Variants in LRRTM4 observed in about 807,000 individuals in gnomAD.
LRRTM4 encodes the protein leucine rich repeat transmembrane neuronal 4, also known as leucine-rich repeat transmembrane neuronal protein 4.
Under a neutral mutation model 47.6 loss-of-function variants are expected in LRRTM4, and 25 were observed. The ratio of observed to expected loss-of-function variants is 0.53; its 90% CI spans 0.38 to 0.73. The LOEUF is 0.73. Ranked by LOEUF, LRRTM4 falls within the 30% of genes least tolerant of loss-of-function variation. The probability of loss-of-function intolerance (pLI) is 0.00; values close to 1 mark genes in which losing one functional copy is unlikely to be tolerated. For synonymous variants in LRRTM4, 311 were observed against 269.5 expected (o/e 1.15, Z -1.51); for missense variants, 638 against 713.4 (o/e 0.89, Z 1.20).
intron 3 of LRRTM4, among the ~76,000 whole-genome samples, chr2:77,090,597 C>T (rs1403762097): frequency 6.6e-6 from 1 of 152,182 alleles, no homozygotes; most frequent in African/African-American, 2.4e-5. Context: ...TTCCAAACGC[C>T]TGAACCGCAG....
chr2:77,046,090 G>T (rs565303014), intron 3 of LRRTM4, among the ~76,000 whole-genome samples: 1 of 152,012 alleles, frequency 6.6e-6, no homozygotes, highest in East Asian at 1.9e-4. Context: ...TTAGTATCAT[G>T]TAAGTGGTTC....
intron 3 of LRRTM4, among the ~76,000 whole-genome samples, chr2:77,321,599 G>GAAAAGAAAAAAGAAAAAAC (rs143163855): frequency 2.1e-5 from 3 of 145,300 alleles, no homozygotes; most frequent in African/African-American, 8.0e-5. Flanking sequence ...AAAGAAAAAA[G>GAAAAGAAAAAAGAAAAAAC]AAATGAATTG....
At chr2:76,933,168 A>T (rs986936816) in intron 3 of LRRTM4, among the ~76,000 whole-genome samples, 36 of 152,302 alleles carry the variant, frequency 2.4e-4, no homozygotes, top group Middle Eastern at 3.4e-3. Context: ...AATATGTGAA[A>T]TGCCATCAAT....
intron 3 of LRRTM4, among the ~76,000 whole-genome samples, chr2:76,957,238 T>C (rs1675704296): frequency 6.6e-6 from 1 of 151,674 alleles, no homozygotes; most frequent in South Asian, 2.1e-4. Context: ...TGTAGAATAC[T>C]GGTTACCAGG....
intron 3 of LRRTM4, among the ~76,000 whole-genome samples, chr2:77,457,140 G>A (rs1573441540): frequency 6.8e-6 from 1 of 147,832 alleles, no homozygotes; most frequent in Non-Finnish European, 1.5e-5. Context: ...ACTAGTTATA[G>A]GCTAATTAAT....
chr2:77,286,542 T>A (rs1437262927), intron 3 of LRRTM4, among the ~76,000 whole-genome samples: 1 of 151,672 alleles, frequency 6.6e-6, no homozygotes, highest in Admixed American at 6.6e-5. Context: ...AAAATGCAAA[T>A]GATTTTTTCT....
At chr2:77,010,095 T>G (rs1279577629) in intron 3 of LRRTM4, among the ~76,000 whole-genome samples, 1 of 152,188 alleles carries the variant, frequency 6.6e-6, no homozygotes, top group South Asian at 2.1e-4. Context: ...TAATTCAAGC[T>G]ATTTAACATG....
intron 3 of LRRTM4, among the ~76,000 whole-genome samples, chr2:77,297,825 G>A (rs1677015000): frequency 6.6e-6 from 1 of 152,118 alleles, no homozygotes; most frequent in Admixed American, 6.5e-5. Context: ...ATCAATTTGA[G>A]CTTCTCCAAA....
At chr2:77,338,166 T>C (rs1190952312) in intron 3 of LRRTM4, among the ~76,000 whole-genome samples, 2 of 152,010 alleles carry the variant, frequency 1.3e-5, no homozygotes, top group Non-Finnish European at 2.9e-5. Flanking sequence ...AACACCATTC[T>C]GGCCATTGAC....
chr2:77,344,486 T>G (rs1671488481), intron 3 of LRRTM4, among the ~76,000 whole-genome samples: 1 of 151,836 alleles, frequency 6.6e-6, no homozygotes, highest in Non-Finnish European at 1.5e-5. Flanking sequence ...GTAATAAAAT[T>G]ACTCAGTCAG....
At chr2:77,063,210 G>A (rs1175163458) in intron 3 of LRRTM4, among the ~76,000 whole-genome samples, 2 of 151,926 alleles carry the variant, frequency 1.3e-5, no homozygotes, top group East Asian at 3.9e-4. Flanking sequence ...CGCCCACCTC[G>A]GCCTCCCCAA....
At chr2:77,082,242 G>C (rs554295502) in intron 3 of LRRTM4, among the ~76,000 whole-genome samples, 41 of 152,084 alleles carry the variant, frequency 2.7e-4, no homozygotes, top group Non-Finnish European at 5.4e-4. Context: ...CTGAGGCACA[G>C]CTTATTTTTG....
chr2:77,300,306 G>A (rs1677100432), intron 3 of LRRTM4, among the ~76,000 whole-genome samples: 1 of 152,074 alleles, frequency 6.6e-6, no homozygotes, highest in South Asian at 2.1e-4. Flanking sequence ...TATAACATTT[G>A]TACTAATCTT....
intron 3 of LRRTM4, among the ~76,000 whole-genome samples, chr2:76,852,580 A>C (rs977762494): frequency 6.6e-6 from 1 of 152,192 alleles, no homozygotes; most frequent in Non-Finnish European, 1.5e-5. Context: ...ATTTGTCTAT[A>C]CATTCCTTTT....
chr2:77,506,354 T>G (rs1178807261), intron 3 of LRRTM4, among the ~76,000 whole-genome samples: 2 of 151,654 alleles, frequency 1.3e-5, no homozygotes, highest in Admixed American at 1.3e-4. Flanking sequence ...AAATATTTAG[T>G]ATACACAGGA....
chr2:77,489,749 G>C (rs1261711168), intron 3 of LRRTM4, among the ~76,000 whole-genome samples: 1 of 152,138 alleles, frequency 6.6e-6, no homozygotes, highest in African/African-American at 2.4e-5. Context: ...AGAGAACCAT[G>C]CCACAAAGAA....
intron 3 of LRRTM4, among the ~76,000 whole-genome samples, chr2:77,485,851 C>A (rs901122782): frequency 6.6e-6 from 1 of 152,168 alleles, no homozygotes; most frequent in African/African-American, 2.4e-5. Context: ...CCATCTCAGC[C>A]TCCCAAGTAG....
At chr2:77,283,679 A>G (rs1212273490) in intron 3 of LRRTM4, among the ~76,000 whole-genome samples, 1 of 152,076 alleles carries the variant, frequency 6.6e-6, no homozygotes, top group Non-Finnish European at 1.5e-5. Flanking sequence ...AACAACATGG[A>G]TGCAGCTGGA....
chr2:76,913,543 A>ATTTTT (rs58615415), intron 3 of LRRTM4, among the ~76,000 whole-genome samples: 4 of 121,484 alleles, frequency 3.3e-5, no homozygotes, highest in African/African-American at 1.3e-4. Context: ...TCCTATTTCA[A>ATTTTT]TTTTTTTTTT....
Sources: gnomAD v4.1 joint callset for allele counts (sites outside exome capture counted in the v4.1 genomes callset) on GRCh38, gnomAD v4.1.1 for gene constraint, MANE v1.5 for transcripts, NCBI Gene and HGNC (gene_info 2026-07-23, HGNC 2026-07-21) for gene names.